TSNAX: variants seen among roughly 807,000 people sequenced by gnomAD.
The protein encoded by TSNAX is translin associated factor X.
Under a neutral mutation model 33.0 loss-of-function variants are expected in TSNAX, and 12 were observed. The ratio of observed to expected loss-of-function variants is 0.36; its 90% CI spans 0.23 to 0.59. The LOEUF is 0.59. TSNAX is among the 20% of genes least tolerant of loss of function. The probability of loss-of-function intolerance (pLI) is 0.74; values close to 1 mark genes in which losing one functional copy is unlikely to be tolerated. For synonymous variants in TSNAX, 110 were observed against 117.2 expected, an observed-to-expected ratio of 0.94 and a Z score of 0.40; for missense variants, 267 against 341.3, an observed-to-expected ratio of 0.78 and a Z score of 1.72.
chr1:231,561,589 C>G lies in TSNAX; in HGVS notation c.495+334C>G, dbSNP rs1304271979. Among the ~76,000 whole-genome samples the G allele has an allele frequency of 6.6e-5, 10 of 152,130 alleles. 1 individual carries two copies. The highest frequency in any genetic ancestry group is 5.2e-4 in the Admixed American group (8 of 15,278). ...CCTTTTATTAACCATATGTGGTAAGCATTATTACTCTCATTTTACAGAGAA... is the reference window on the plus strand; with the variant it reads ...CCTTTTATTAACCATATGTGGTAAGGATTATTACTCTCATTTTACAGAGAA... On this transcript the variant is annotated intron_variant, in intron 5 of 5. Transcript: ENST00000366639.
chr1:231,560,276 G>A (rs1383467389), intron 4 of TSNAX, among the ~76,000 whole-genome samples: 2 of 151,800 alleles, frequency 1.3e-5, no homozygotes, highest in Middle Eastern at 3.4e-3. Flanking sequence ...ATCGTGAACG[G>A]CCCAAATGAT....
intron 2 of TSNAX, among the ~76,000 whole-genome samples, chr1:231,530,579 C>T (rs1018113097): frequency 5.3e-5 from 8 of 151,984 alleles, no homozygotes; most frequent in Admixed American, 2.6e-4. Flanking sequence ...AAAAATTAGC[C>T]GGGCGTCAGT....
At chr1:231,560,989 TA>T in intron 4 of TSNAX, 138 bp from the exon 5 acceptor site, 5 of 773,804 alleles carry the variant, frequency 6.5e-6, no homozygotes, top group Non-Finnish European at 1.0e-5. Context: ...TCTAAGTGTC[TA>T]GTCTAGTACT....
intron 3 of TSNAX, among the ~76,000 whole-genome samples, chr1:231,540,777 A>G (rs1659526645): frequency 1.3e-5 from 2 of 152,188 alleles, no homozygotes; most frequent in Admixed American, 6.5e-5. Context: ...TTGAAGTCCT[A>G]TCAGTTTTTT....
At chr1:231,542,649 A>G in intron 4 of TSNAX, 38 bp downstream of exon 4, 1 of 1,590,718 alleles carries the variant, frequency 6.3e-7, no homozygotes, top group Non-Finnish European at 8.6e-7. Flanking sequence ...ATATATTTTA[A>G]ATGGTGTGCT....
Position 231,564,993 on chromosome 1 carries a change from T to C in TSNAX, c.*88T>C. 6.8e-7 allele frequency: 1 copy of C among 1,461,738 alleles called. No homozygotes were observed. Among genetic ancestry groups the C allele is most frequent in the Non-Finnish European group, 9.2e-7 (1 of 1,090,272 alleles). 90.5% of individuals were successfully genotyped at this position (1,461,738 alleles called of 1,614,324 possible). A position where few individuals can be genotyped will look rare whatever the true frequency, so the allele number is the denominator to read the frequency against. ...TATTTAGTATTTCATTTAACTTTAT[T>C]GTGGCTTTTACATAGAAACATATTC... On this transcript the variant is annotated 3_prime_UTR_variant, in exon 6 of 6. Transcript: ENST00000366639.
At chr1:231,537,949 T>C (rs549869986) in intron 3 of TSNAX, among the ~76,000 whole-genome samples, 1 of 152,330 alleles carries the variant, frequency 6.6e-6, no homozygotes, top group African/African-American at 2.4e-5. Flanking sequence ...TAGATAAATG[T>C]TAAAATCTGC....
chr1:231,556,336 T>C (rs1660691816), intron 4 of TSNAX, among the ~76,000 whole-genome samples: 1 of 152,232 alleles, frequency 6.6e-6, no homozygotes, highest in South Asian at 2.1e-4. Flanking sequence ...TTGGAATATT[T>C]TGAACTATTC....
At position 231,542,598 on chromosome 1, in the gene TSNAX, A is replaced by C. The variant is rs1254906545; in HGVS notation, c.354A>C (p.Arg118=). The C allele has an allele frequency of 6.2e-7, 1 of 1,613,876 alleles. No homozygotes were observed. The highest frequency in any genetic ancestry group is 1.1e-5 in the South Asian group (1 of 91,066). ...GGGAAGATATGCATCAGTTCCATCGAGCCATTACTACAGGTAAGTCTAGGT... is the reference window on the plus strand; with the variant it reads ...GGGAAGATATGCATCAGTTCCATCGCGCCATTACTACAGGTAAGTCTAGGT... ...LSGEDMHQFH[R]AITTGLQEYV... Residue 118 remains arginine, a synonymous_variant, in exon 4 of 6, where the codon CGA becomes CGC. Transcript: ENST00000366639.
At chr1:231,540,933 C>T (rs1283784360) in intron 3 of TSNAX, among the ~76,000 whole-genome samples, 21 of 152,100 alleles carry the variant, frequency 1.4e-4, no homozygotes, top group Non-Finnish European at 5.9e-5. Flanking sequence ...ACTCCTGTTT[C>T]GTTTGATTGT....
At chr1:231,550,668 C>T (rs1168593248) in intron 4 of TSNAX, among the ~76,000 whole-genome samples, 1 of 152,194 alleles carries the variant, frequency 6.6e-6, no homozygotes, top group Non-Finnish European at 1.5e-5. Context: ...TCTTTCTTTT[C>T]TTCTTCCTTC....
At chr1:231,560,406 T>TCTCC (rs1661004718) in intron 4 of TSNAX, among the ~76,000 whole-genome samples, 2 of 32,062 alleles carry the variant, frequency 6.2e-5, no homozygotes, top group Non-Finnish European at 1.1e-4. Context: ...TTTTCTTTTC[T>TCTCC]CCCCCCCCCC....
chr1:231,540,667 C>T (rs2124899655), intron 3 of TSNAX, among the ~76,000 whole-genome samples: 1 of 152,254 alleles, frequency 6.6e-6, no homozygotes, highest in Admixed American at 6.5e-5. Context: ...GTGTTCGCGT[C>T]ACTTATTTCC....
intron 2 of TSNAX, among the ~76,000 whole-genome samples, chr1:231,531,648 G>C (rs1658724561): frequency 6.6e-6 from 1 of 152,104 alleles, no homozygotes; most frequent in African/African-American, 2.4e-5. Context: ...TAAAAGACTA[G>C]ATATATTTAG....
At chr1:231,529,091 C>T (rs187176558) in intron 1 of TSNAX, among the ~76,000 whole-genome samples, 164 bp from the exon 2 acceptor site, 6 of 152,308 alleles carry the variant, frequency 3.9e-5, no homozygotes, top group African/African-American at 1.2e-4. Flanking sequence ...GGATGATTTG[C>T]TTGGAAAGGC....
rs1403022385 is a variant in TSNAX at position 231,542,527 on chromosome 1, G to A, written c.283G>A (p.Asp95Asn). 1.2e-6 allele frequency: 2 copies of A among 1,613,850 alleles called. No individual in the cohort carries two copies. Among genetic ancestry groups the A allele is most frequent in the Non-Finnish European group, 1.7e-6 (2 of 1,179,964 alleles). Residue 95 changes from aspartate to asparagine, a missense_variant, in exon 4 of 6, where the codon GAT becomes AAT. Asp to Asn is a conservative substitution (Grantham distance 23). Coordinates refer to ENST00000366639, the MANE Select transcript of TSNAX (RefSeq NM_005999.3). ...ATTGACTGAATCAGAAATTAAATTG[G>A]ATGGTGTCAGACAAAAGATATTCCA... ...DILTESEIKL[D>N]GVRQKIFQVA...
intron 4 of TSNAX, among the ~76,000 whole-genome samples, 178 bp from the exon 5 acceptor site, chr1:231,560,950 G>A (rs1021840818): frequency 1.1e-4 from 16 of 152,112 alleles, no homozygotes; most frequent in Admixed American, 2.0e-4. Context: ...GTGAGCCACC[G>A]CGCCTGGTCC....
chr1:231,537,871 T>A (rs143840468), intron 3 of TSNAX, among the ~76,000 whole-genome samples: 2,346 of 152,238 alleles, frequency 0.015, 66 homozygotes, highest in African/African-American at 0.053. Context: ...AAATATATGA[T>A]ATATTTTGAT....
intron 2 of TSNAX, among the ~76,000 whole-genome samples, chr1:231,532,159 C>CACACACACACACACACACACACACAT (rs1658782954): frequency 2.1e-4 from 19 of 89,340 alleles, no homozygotes; most frequent in African/African-American, 6.9e-4. Flanking sequence ...CACACACACA[C>CACACACACACACACACACACACACAT]ACACACACAC....
Sources: gnomAD v4.1 joint callset for allele counts (sites outside exome capture counted in the v4.1 genomes callset) on GRCh38, gnomAD v4.1.1 for gene constraint, MANE v1.5 for transcripts, NCBI Gene and HGNC (gene_info 2026-07-23, HGNC 2026-07-21) for gene names.